FABP3: variants seen among roughly 807,000 people sequenced by gnomAD.
The protein encoded by FABP3 is fatty acid binding protein 3.
FABP3 carries 8 observed loss-of-function variants against 13.4 expected under a neutral mutation model. That is an observed-to-expected ratio of 0.60 (90% CI 0.35 to 1.07). The LOEUF (loss-of-function observed/expected upper bound fraction) is 1.07. Ranked by LOEUF, FABP3 falls within the 50% of genes least tolerant of loss-of-function variation. FABP3 has a pLI of 0.02. For missense variants in FABP3, 135 were observed against 164.7 expected (o/e 0.82, Z 0.99); for synonymous variants, 64 against 60.0 (o/e 1.07, Z -0.31).
chr1:31,365,893 T>A lies in FABP3; in HGVS notation c.395A>T (p.Glu132Val), dbSNP rs1640099352. ...TAVCTRTYEK[E>V]A is the part of the protein sequence containing the mutation. Reference sequence around the variant, plus strand: ...AGCAACAGTGCAGTCAGGTCATGCCTCTTTCTCATAAGTGCGAGTGCAAAC... The same window carrying A: ...AGCAACAGTGCAGTCAGGTCATGCCACTTTCTCATAAGTGCGAGTGCAAAC... Residue 132 changes from glutamate to valine, a missense_variant, in exon 4 of 4, where the codon GAG becomes GTG. Physicochemically the swap from Glu to Val is moderately radical, Grantham distance 121. Transcript: ENST00000373713. The A allele has an allele frequency of 6.2e-7, 1 of 1,613,904 alleles. No individual in the cohort carries two copies. The highest frequency in any genetic ancestry group is 2.2e-5 in the East Asian group (1 of 44,858).
Position 31,373,052 on chromosome 1 carries a change from G to GC in FABP3, c.-39dup. ...CTAGGCTGAGAGAAGCTACAAGAGA[G>GC]CAGGCGTGCAAGGGCTCCGACGGCG... On this transcript the variant is annotated 5_prime_UTR_variant, in exon 1 of 4. Transcript: ENST00000373713. 6.2e-7 allele frequency: 1 copy of GC among 1,605,728 alleles called. No homozygotes were observed. Among genetic ancestry groups the GC allele is most frequent in the Non-Finnish European group, 8.5e-7 (1 of 1,173,012 alleles).
At chr1:31,361,177 G>A (rs1639875845), downstream of FABP3, among the ~76,000 whole-genome samples, 1 of 152,160 alleles carries the variant, frequency 6.6e-6, no homozygotes, top group South Asian at 2.1e-4. Flanking sequence ...CCCAGCCATG[G>A]TTGTTATAGC....
In FABP3 at chr1:31,365,716, A is replaced by G; in HGVS notation, c.*170T>C. 1 of 611,606 alleles carries G rather than the reference A, an allele frequency of 1.6e-6. No homozygotes were observed. Among genetic ancestry groups the G allele is most frequent in the South Asian group, 2.0e-5 (1 of 49,384 alleles). The allele number at this position is 611,606 out of a possible 1,614,324, so 37.9% of individuals were successfully genotyped here. The stretch of plus-strand genomic sequence containing the variant: ...CTATGAGTGCAGTTAAAAAAAAAAA[A>G]AAAAAACCACATACACCATGGGAAC... On this transcript the variant is annotated 3_prime_UTR_variant, in exon 4 of 4. Transcript: ENST00000373713.
At chr1:31,369,312 G>T in intron 2 of FABP3, 73 bp downstream of exon 2, 1 of 1,514,954 alleles carries the variant, frequency 6.6e-7, no homozygotes, top group Non-Finnish European at 9.0e-7. Flanking sequence ...ATACCAGGGA[G>T]CCAAGACTAC....
At chr1:31,366,058 A>T in intron 3 of FABP3, 119 bp from the exon 4 acceptor site, 2 of 704,164 alleles carry the variant, frequency 2.8e-6, no homozygotes, top group Non-Finnish European at 4.8e-6. Flanking sequence ...GGCTATATGT[A>T]TGTATGTGTG....
downstream of FABP3, among the ~76,000 whole-genome samples, chr1:31,361,786 ATTATTTAT>A (rs3049344): frequency 0.039 from 5,667 of 145,858 alleles, 326 homozygotes; most frequent in East Asian, 0.11. Flanking sequence ...AGAGGGGGAG[ATTATTTAT>A]TTATTTATTT....
chr1:31,363,033 G>A (rs1419058137), downstream of FABP3, among the ~76,000 whole-genome samples: 1 of 151,950 alleles, frequency 6.6e-6, no homozygotes. Flanking sequence ...TTTATATCAT[G>A]TGCATATATA....
Position 31,365,741 on chromosome 1 carries a change from C to A in FABP3, c.*145G>T. ...AAAAAAACCACATACACCATGGGAA[C>A]TGGAACTGGATCCCGGTCAGTGGCA... On this transcript the variant is annotated 3_prime_UTR_variant, in exon 4 of 4. Coordinates refer to ENST00000373713, the MANE Select transcript of FABP3 (RefSeq NM_004102.5). 3.0e-6 allele frequency: 2 copies of A among 667,198 alleles called. No individual in the cohort carries two copies. Among genetic ancestry groups the A allele is most frequent in the Non-Finnish European group, 2.7e-6 (1 of 377,054 alleles). 41.3% of individuals were successfully genotyped at this position (667,198 alleles called of 1,614,324 possible).
chr1:31,370,221 C>G (rs1390609395), intron 1 of FABP3, among the ~76,000 whole-genome samples: 1 of 151,884 alleles, frequency 6.6e-6, no homozygotes, highest in African/African-American at 2.4e-5. Context: ...GTTACAGATA[C>G]AAAAACAGAG....
At chr1:31,362,952 C>G (rs1319353921), downstream of FABP3, among the ~76,000 whole-genome samples, 3 of 152,150 alleles carry the variant, frequency 2.0e-5, no homozygotes, top group Admixed American at 6.5e-5. Context: ...ACACTTATTA[C>G]CAGTTTGATG....
At chr1:31,370,380 AG>A (rs1281501732) in intron 1 of FABP3, among the ~76,000 whole-genome samples, 1 of 152,214 alleles carries the variant, frequency 6.6e-6, no homozygotes, top group African/African-American at 2.4e-5. Flanking sequence ...CTTAGGAATA[AG>A]GCTGAGGAAA....
chr1:31,361,246 A>G (rs1388126365), downstream of FABP3, among the ~76,000 whole-genome samples: 2 of 152,228 alleles, frequency 1.3e-5, no homozygotes, highest in African/African-American at 4.8e-5. Context: ...GGAGATGCCA[A>G]GGAAGAATTG....
intron 3 of FABP3, 121 bp from the exon 4 acceptor site, chr1:31,366,060 GTA>G (rs771290328): frequency 2.3e-4 from 145 of 621,528 alleles, no homozygotes; most frequent in South Asian, 1.0e-3. Flanking sequence ...CTATATGTAT[GTA>G]TGTGTGTGTG....
intron 3 of FABP3, 123 bp from the exon 4 acceptor site, chr1:31,366,062 ATGTGTGTGTGTGTGTGTGTG>A (rs3049341): frequency 1.4e-5 from 8 of 575,846 alleles, no homozygotes; most frequent in East Asian, 3.2e-5. Context: ...ATATGTATGT[ATGTGTGTGTGTGTGTGTGTG>A]TGTGTGTGTG....
chr1:31,372,831 C>T, intron 1 of FABP3, 111 bp downstream of exon 1: 1 of 1,078,022 alleles, frequency 9.3e-7, no homozygotes, highest in Non-Finnish European at 1.4e-6. Flanking sequence ...TCTCCGCGCT[C>T]CCCTATTCCC....
At chr1:31,361,758 T>C (rs552449217), downstream of FABP3, among the ~76,000 whole-genome samples, 1 of 152,216 alleles carries the variant, frequency 6.6e-6, no homozygotes, top group East Asian at 1.9e-4. Flanking sequence ...CTTGTCACCA[T>C]AGGTGTTTTT....
At chr1:31,366,022 T>C in intron 3 of FABP3, 83 bp from the exon 4 acceptor site, 2 of 1,227,928 alleles carry the variant, frequency 1.6e-6, no homozygotes, top group Non-Finnish European at 2.4e-6. Flanking sequence ...TCCTGATAAT[T>C]GTCACTTGAG....
At chr1:31,361,737 T>C (rs796318927), downstream of FABP3, among the ~76,000 whole-genome samples, 15 of 152,306 alleles carry the variant, frequency 9.8e-5, no homozygotes, top group African/African-American at 3.6e-4. Context: ...CCTTAGATAC[T>C]ATCTCATTAA....
chr1:31,364,201 A>T, downstream of FABP3: 1 of 1,611,638 alleles, frequency 6.2e-7, no homozygotes, highest in Non-Finnish European at 8.5e-7. Context: ...TGAGAGTATA[A>T]AGAGTGTAGG....
Sources: allele counts gnomAD v4.1 joint callset (sites outside exome capture counted in the v4.1 genomes callset), GRCh38; gene constraint gnomAD v4.1.1; transcripts MANE v1.5; gene names NCBI Gene and HGNC (gene_info 2026-07-23, HGNC 2026-07-21).